MLLT3: variants seen among roughly 807,000 people sequenced by gnomAD.
MLLT3 encodes the protein protein AF-9.
In MLLT3, 4 loss-of-function variants were observed where a neutral mutation model predicts 53.2. The ratio of observed to expected loss-of-function variants is 0.08; its 90% CI spans 0.04 to 0.17. The LOEUF is 0.17. MLLT3 is among the 10% of genes least tolerant of loss of function. The pLI is 1.00. For missense variants in MLLT3, 569 were observed against 684.0 expected, an observed-to-expected ratio of 0.83 and a Z score of 1.87; for synonymous variants, 283 against 230.6, an observed-to-expected ratio of 1.23 and a Z score of -2.06.
intron 2 of MLLT3, among the ~76,000 whole-genome samples, chr9:20,579,065 G>A (rs1028933089): frequency 6.6e-6 from 1 of 152,140 alleles, no homozygotes; most frequent in African/African-American, 2.4e-5. Context: ...GAAGGGTTAA[G>A]AACAGGATAA....
At chr9:20,490,049 A>T (rs1278691171) in intron 2 of MLLT3, among the ~76,000 whole-genome samples, 2 of 152,158 alleles carry the variant, frequency 1.3e-5, no homozygotes, top group South Asian at 2.1e-4. Context: ...CAAGGAATTT[A>T]CTCTGTGCTC....
Position 20,346,547 on chromosome 9 carries a change from G to A in MLLT3, c.1603C>T (p.His535Tyr). Reference protein sequence around the residue: ...QIVNLIEETGHFHITNTTFDF... With the variant: ...QIVNLIEETGYFHITNTTFDF... ...AATGTTGTGTTTGTGATATGAAAGT[G>A]TCCAGTTTCTTCTATAAGGTTCACG... Residue 535 changes from histidine (H) to tyrosine (Y), a missense_variant, in exon 11 of 11, where the codon CAC becomes TAC. Physicochemically the swap from His to Tyr is moderately conservative, Grantham distance 83. Coordinates refer to ENST00000380338, the MANE Select transcript of MLLT3 (RefSeq NM_004529.4). 1 of 1,613,670 alleles carries A rather than the reference G, an allele frequency of 6.2e-7. No homozygotes were observed. The highest frequency in any genetic ancestry group is 1.1e-5 in the South Asian group (1 of 91,046).
At chr9:20,432,156 G>A (rs539792099) in intron 4 of MLLT3, among the ~76,000 whole-genome samples, 58 of 152,250 alleles carry the variant, frequency 3.8e-4, no homozygotes, top group African/African-American at 1.4e-3. Flanking sequence ...TTATTTATTA[G>A]CTGCTATGAG....
chr9:20,491,419 C>A (rs1824943984), intron 2 of MLLT3, among the ~76,000 whole-genome samples: 1 of 151,856 alleles, frequency 6.6e-6, no homozygotes, highest in Non-Finnish European at 1.5e-5. Flanking sequence ...CTCAAGAAAG[C>A]AGAAAAATCC....
chr9:20,583,443 T>G (rs762915972), intron 2 of MLLT3, among the ~76,000 whole-genome samples: 5 of 152,148 alleles, frequency 3.3e-5, no homozygotes, highest in East Asian at 1.9e-4. Flanking sequence ...AGTGCCCCAG[T>G]AGGGACTCTG....
chr9:20,618,145 A>C (rs1249190057), intron 2 of MLLT3, among the ~76,000 whole-genome samples: 1 of 152,208 alleles, frequency 6.6e-6, no homozygotes, highest in African/African-American at 2.4e-5. Context: ...CATTTCTTTT[A>C]AAGATCTTAT....
intron 4 of MLLT3, among the ~76,000 whole-genome samples, chr9:20,435,296 A>G (rs1160164272): frequency 6.6e-6 from 1 of 152,126 alleles, no homozygotes; most frequent in Non-Finnish European, 1.5e-5. Context: ...CTCCTGCCTC[A>G]GCCTCCTTAG....
At chr9:20,417,549 G>A (rs1163236882) in intron 4 of MLLT3, among the ~76,000 whole-genome samples, 1 of 151,892 alleles carries the variant, frequency 6.6e-6, no homozygotes, top group Non-Finnish European at 1.5e-5. Flanking sequence ...CTCTTCGCCT[G>A]AGGCTGATTA....
chr9:20,390,655 T>C (rs892232225), intron 5 of MLLT3, among the ~76,000 whole-genome samples: 4 of 152,206 alleles, frequency 2.6e-5, no homozygotes, highest in Non-Finnish European at 5.9e-5. Context: ...CTCTGGCAAA[T>C]TGACTAACAC....
rs777046863 is a variant in MLLT3 at position 20,365,695 on chromosome 9, A to AAGCTGG, written c.1169_1174dup (p.Ser390_Ser391dup). 68 of 1,614,048 alleles carry AAGCTGG rather than the reference A, an allele frequency of 4.2e-5. No homozygotes were observed. In the Middle Eastern group the frequency reaches 9.9e-4, roughly 23 times the overall value. ...TTGTTGCCTGGTCTGGGATGGTGTG[A>AAGCTGG]AGCTGGAGCTGGAGCTGGAGCTGGA... On this transcript the variant is annotated inframe_insertion, in exon 6 of 11. Transcript: ENST00000380338.
At chr9:20,393,477 T>C (rs2118726527) in intron 5 of MLLT3, among the ~76,000 whole-genome samples, 1 of 152,338 alleles carries the variant, frequency 6.6e-6, no homozygotes. Context: ...TAGAACGCTA[T>C]CTTTAACTGT....
At chr9:20,463,980 A>G (rs1280380557) in intron 2 of MLLT3, among the ~76,000 whole-genome samples, 1 of 151,796 alleles carries the variant, frequency 6.6e-6, no homozygotes, top group Non-Finnish European at 1.5e-5. Flanking sequence ...CTGAAACCCC[A>G]GTTCTTCTTG....
chr9:20,362,877 T>C (rs922299923), intron 7 of MLLT3: 3 of 152,176 alleles, frequency 2.0e-5, no homozygotes, highest in Non-Finnish European at 4.4e-5. Flanking sequence ...GTTTTCTTCA[T>C]GATAAAGAAA....
Position 20,344,203 on chromosome 9 carries a change from G to T in MLLT3, c.*2240C>A, listed in dbSNP as rs1162002488. The T allele has an allele frequency of 1.0e-5, 2 of 195,260 alleles. No homozygotes were observed. Among genetic ancestry groups the T allele is most frequent in the Non-Finnish European group, 2.1e-5 (2 of 94,288 alleles). 12.1% of individuals were successfully genotyped at this position (195,260 alleles called of 1,614,324 possible). A position where few individuals can be genotyped will look rare whatever the true frequency, so the allele number is the denominator to read the frequency against. ...ATTTCTTATCTTACCTAGCTTCTTG[G>T]TTAGTAACTTAAAGGAAAAAATTTT... On this transcript the variant is annotated 3_prime_UTR_variant, in exon 11 of 11. Transcript: ENST00000380338.
intron 2 of MLLT3, among the ~76,000 whole-genome samples, chr9:20,595,294 G>C (rs1021939674): frequency 6.6e-6 from 1 of 152,068 alleles, no homozygotes; most frequent in Admixed American, 6.5e-5. Flanking sequence ...TTGATCCCAG[G>C]AGACTGAGGC....
chr9:20,467,760 G>A (rs1389770981), intron 2 of MLLT3, among the ~76,000 whole-genome samples: 4 of 152,164 alleles, frequency 2.6e-5, no homozygotes, highest in African/African-American at 9.7e-5. Context: ...GACTAAATAC[G>A]AAGAAAGAGG....
chr9:20,439,564 T>C (rs997392388), intron 4 of MLLT3, among the ~76,000 whole-genome samples: 3 of 152,084 alleles, frequency 2.0e-5, no homozygotes, highest in Admixed American at 6.6e-5. Flanking sequence ...GCCAGTAAGT[T>C]TAATTTTGAG....
chr9:20,573,901 T>G (rs1302230107), intron 2 of MLLT3, among the ~76,000 whole-genome samples: 1 of 152,248 alleles, frequency 6.6e-6, no homozygotes, highest in Non-Finnish European at 1.5e-5. Context: ...TCAAGTTACT[T>G]GCTCAAAAAT....
intron 2 of MLLT3, among the ~76,000 whole-genome samples, chr9:20,576,646 TG>T (rs1317334280): frequency 6.6e-6 from 1 of 152,120 alleles, no homozygotes; most frequent in Non-Finnish European, 1.5e-5. Flanking sequence ...GCACGCTTCA[TG>T]GCAACACAAA....
Sources: gnomAD v4.1 joint callset for allele counts (sites outside exome capture counted in the v4.1 genomes callset) on GRCh38, gnomAD v4.1.1 for gene constraint, MANE v1.5 for transcripts, NCBI Gene and HGNC (gene_info 2026-07-23, HGNC 2026-07-21) for gene names.